FER: variants seen among roughly 807,000 people sequenced by gnomAD.
FER encodes the protein tyrosine-protein kinase Fer.
A neutral mutation model predicts 111.0 loss-of-function variants in FER; 63 were observed. The observed-to-expected ratio is 0.57, with a 90% CI of 0.46 to 0.70. FER has a LOEUF of 0.70. FER is among the 30% of genes least tolerant of loss of function. The probability of loss-of-function intolerance (pLI) is 0.00; values close to 1 mark genes in which losing one functional copy is unlikely to be tolerated. For missense variants in FER, 914 were observed against 954.0 expected, an observed-to-expected ratio of 0.96 and a Z score of 0.55; for synonymous variants, 327 against 313.9, an observed-to-expected ratio of 1.04 and a Z score of -0.44.
intron 16 of FER, chr5:109,052,205 C>G (rs1278707777): frequency 1.0e-5 from 16 of 1,607,632 alleles, no homozygotes; most frequent in Non-Finnish European, 1.3e-5. Context: ...GGTACAGACA[C>G]AAATATGATC....
chr5:109,080,443 T>A (rs957575781), intron 16 of FER, among the ~76,000 whole-genome samples: 2 of 152,096 alleles, frequency 1.3e-5, no homozygotes, highest in African/African-American at 2.4e-5. Flanking sequence ...TTTTAAAAAA[T>A]AAAGTTATAT....
At chr5:108,819,065 GA>G in intron 3 of FER, among the ~76,000 whole-genome samples, 1 of 152,098 alleles carries the variant, frequency 6.6e-6, no homozygotes, top group East Asian at 1.9e-4. Flanking sequence ...GCTTAGGCTG[GA>G]GTGCAGTGGT....
chr5:108,845,338 A>G (rs553388751), intron 5 of FER, among the ~76,000 whole-genome samples: 3 of 150,510 alleles, frequency 2.0e-5, no homozygotes, highest in East Asian at 4.0e-4. Context: ...CTCCCAGCTT[A>G]TTTTTTGTGT....
At chr5:109,029,808 A>G (rs1769340509) in intron 13 of FER, among the ~76,000 whole-genome samples, 1 of 151,890 alleles carries the variant, frequency 6.6e-6, no homozygotes, top group East Asian at 1.9e-4. Context: ...GCTTGAATTT[A>G]TTTGTGTTTA....
At chr5:108,902,440 G>A (rs1387082681) in intron 10 of FER, among the ~76,000 whole-genome samples, 1 of 152,190 alleles carries the variant, frequency 6.6e-6, no homozygotes, top group African/African-American at 2.4e-5. Flanking sequence ...GTACCATGGA[G>A]AAGTGAGTTG....
rs757584688 is a variant in FER at position 108,832,799 on chromosome 5, A to G, written c.237A>G (p.Glu79=). 11 of 1,559,390 alleles carry G rather than the reference A, an allele frequency of 7.1e-6. No individual in the cohort carries two copies. Among genetic ancestry groups the G allele is most frequent in the Non-Finnish European group, 8.7e-6 (10 of 1,153,890 alleles). ...GGCTACTTATGATTCAGCAGACAGA[A>G]CAACTTAGTAGGATAATGAAGACAC... ...KSWLLMIQQT[E]QLSRIMKTHA... The change falls in exon 4 of 20, where the codon GAA becomes GAG. Residue 79 remains glutamate, a synonymous_variant. Transcript: ENST00000281092.
chr5:108,814,136 C>T (rs569022627), intron 3 of FER, among the ~76,000 whole-genome samples: 45 of 152,234 alleles, frequency 3.0e-4, no homozygotes, highest in Middle Eastern at 3.4e-3. Flanking sequence ...ATTCAATACA[C>T]AGTCACTTAT....
chr5:109,133,827 T>C (rs1485922385), intron 17 of FER, among the ~76,000 whole-genome samples: 1 of 152,154 alleles, frequency 6.6e-6, no homozygotes, highest in Non-Finnish European at 1.5e-5. Context: ...AAATTTGGTG[T>C]AAAAGATTGC....
chr5:108,771,602 C>A (rs986909419), intron 2 of FER, among the ~76,000 whole-genome samples: 4 of 152,132 alleles, frequency 2.6e-5, no homozygotes, highest in Admixed American at 6.6e-5. Context: ...GTATTTCTCT[C>A]TTTTCAACAT....
At chr5:108,932,584 G>T (rs1754842927) in intron 10 of FER, among the ~76,000 whole-genome samples, 1 of 152,114 alleles carries the variant, frequency 6.6e-6, no homozygotes, top group Non-Finnish European at 1.5e-5. Context: ...CTAGATCCTT[G>T]AGGAATTGCC....
At chr5:109,169,102 T>C (rs1413423506) in intron 17 of FER, among the ~76,000 whole-genome samples, 2 of 152,180 alleles carry the variant, frequency 1.3e-5, no homozygotes, top group African/African-American at 4.8e-5. Context: ...TTTTGTGGAT[T>C]ACATCAAAGA....
intron 3 of FER, among the ~76,000 whole-genome samples, chr5:108,811,740 G>A (rs1757780045): frequency 6.6e-6 from 1 of 152,152 alleles, no homozygotes; most frequent in African/African-American, 2.4e-5. Flanking sequence ...CTAAAGGCCC[G>A]AGAACCAGAG....
intron 1 of FER, among the ~76,000 whole-genome samples, chr5:108,750,295 T>A (rs116000569): frequency 1.3e-3 from 200 of 152,282 alleles, no homozygotes; most frequent in African/African-American, 4.3e-3. Flanking sequence ...TGCAAAATCT[T>A]TAGTGCAGTA....
chr5:108,773,619 G>C (rs540103674), intron 2 of FER, among the ~76,000 whole-genome samples: 5 of 151,626 alleles, frequency 3.3e-5, no homozygotes, highest in Admixed American at 1.3e-4. Context: ...GGTTAATTCC[G>C]TGTCTTTGCT....
At chr5:108,845,020 A>ATC in intron 5 of FER, among the ~76,000 whole-genome samples, 1 of 52,126 alleles carries the variant, frequency 1.9e-5, no homozygotes, top group Admixed American at 2.5e-4. Context: ...ATATATATAT[A>ATC]TATATATATA....
At chr5:108,892,989 A>G (rs1378836323) in intron 9 of FER, among the ~76,000 whole-genome samples, 2 of 152,074 alleles carry the variant, frequency 1.3e-5, no homozygotes, top group South Asian at 2.1e-4. Flanking sequence ...GATATGCGGC[A>G]TTATTTCTGA....
intron 17 of FER, among the ~76,000 whole-genome samples, chr5:109,101,879 C>G (rs929617694): frequency 6.6e-6 from 1 of 152,118 alleles, no homozygotes; most frequent in South Asian, 2.1e-4. Flanking sequence ...TTCAAATTCT[C>G]TCTGGTAATT....
chr5:108,818,438 CA>C (rs1258861982), intron 3 of FER, among the ~76,000 whole-genome samples: 1 of 149,752 alleles, frequency 6.7e-6, no homozygotes, highest in East Asian at 1.9e-4. Flanking sequence ...AGACTTTCTC[CA>C]AAAAAAAGAT....
At chr5:109,098,804 CG>C (rs1561892457) in intron 16 of FER, among the ~76,000 whole-genome samples, 1 of 151,438 alleles carries the variant, frequency 6.6e-6, no homozygotes, top group African/African-American at 2.4e-5. Context: ...AAATTGACAC[CG>C]TTAAGTTTAT....
Sources: allele counts gnomAD v4.1 joint callset (sites outside exome capture counted in the v4.1 genomes callset), GRCh38; gene constraint gnomAD v4.1.1; transcripts MANE v1.5; gene names NCBI Gene and HGNC (gene_info 2026-07-23, HGNC 2026-07-21).